FHIT: variants seen among roughly 807,000 people sequenced by gnomAD.
FHIT encodes the protein bis(5'-adenosyl)-triphosphatase.
In FHIT, 19 loss-of-function variants were observed where a neutral mutation model predicts 17.9. That is an observed-to-expected ratio of 1.06 (90% CI 0.74 to 1.56). FHIT has a LOEUF of 1.56. Ranked by LOEUF, FHIT falls within the 40% of genes most tolerant of loss-of-function variation. FHIT has a pLI of 0.00. For synonymous variants in FHIT, 81 were observed against 69.7 expected, an observed-to-expected ratio of 1.16 and a Z score of -0.81; for missense variants, 248 against 189.2, an observed-to-expected ratio of 1.31 and a Z score of -1.82.
At chr3:59,978,603 T>G (rs1475857737) in intron 7 of FHIT, among the ~76,000 whole-genome samples, 1 of 151,380 alleles carries the variant, frequency 6.6e-6, no homozygotes, top group Non-Finnish European at 1.5e-5. Flanking sequence ...AGTATCTAAG[T>G]AGAAGTTTAG....
chr3:60,961,745 G>C (rs1217560710), intron 3 of FHIT, among the ~76,000 whole-genome samples: 1 of 152,164 alleles, frequency 6.6e-6, no homozygotes, highest in African/African-American at 2.4e-5. Context: ...TTGTCGATGT[G>C]TGGTATTATT....
chr3:60,732,076 G>T, intron 4 of FHIT: 2 of 583,158 alleles, frequency 3.4e-6, no homozygotes, highest in Non-Finnish European at 6.2e-6. Flanking sequence ...GAGCAAATGG[G>T]GTGGAGGGGT....
At chr3:60,213,866 T>C (rs1464231703) in intron 5 of FHIT, among the ~76,000 whole-genome samples, 1 of 152,164 alleles carries the variant, frequency 6.6e-6, no homozygotes, top group Admixed American at 6.5e-5. Flanking sequence ...GAAAATGATA[T>C]CCTTAGAAAG....
At chr3:60,527,022 G>A (rs565792476) in intron 5 of FHIT, among the ~76,000 whole-genome samples, 1 of 152,304 alleles carries the variant, frequency 6.6e-6, no homozygotes, top group East Asian at 1.9e-4. Context: ...GAATGGTTCT[G>A]CTGCTGCCTC....
intron 5 of FHIT, among the ~76,000 whole-genome samples, chr3:60,190,464 G>A (rs909731274): frequency 2.0e-5 from 3 of 152,002 alleles, no homozygotes; most frequent in African/African-American, 7.2e-5. Flanking sequence ...AATTCTAAGG[G>A]AGGGCTGGGC....
At chr3:60,854,097 T>C (rs1553749192) in intron 3 of FHIT, among the ~76,000 whole-genome samples, 1 of 152,138 alleles carries the variant, frequency 6.6e-6, no homozygotes, top group Non-Finnish European at 1.5e-5. Context: ...AATGTAAACT[T>C]CTTGGGTTGT....
chr3:60,521,505 C>T (rs1000775584), intron 5 of FHIT, among the ~76,000 whole-genome samples: 1 of 152,124 alleles, frequency 6.6e-6, no homozygotes, highest in African/African-American at 2.4e-5. Flanking sequence ...CCTCGGCCTC[C>T]CAAAGTGCTG....
chr3:60,607,455 A>G (rs1159043333), intron 4 of FHIT, among the ~76,000 whole-genome samples: 1 of 151,488 alleles, frequency 6.6e-6, no homozygotes, highest in Non-Finnish European at 1.5e-5. Context: ...GTCTGCCACT[A>G]ATTAAAAGTA....
intron 5 of FHIT, among the ~76,000 whole-genome samples, chr3:60,216,613 T>C (rs1703710435): frequency 6.6e-6 from 1 of 152,184 alleles, no homozygotes; most frequent in African/African-American, 2.4e-5. Flanking sequence ...TACTCTAAGC[T>C]GACTGCTTAG....
chr3:60,578,409 C>T (rs2037641631), intron 4 of FHIT, among the ~76,000 whole-genome samples: 2 of 149,252 alleles, frequency 1.3e-5, no homozygotes, highest in Non-Finnish European at 3.0e-5. Context: ...TGCACTCTGG[C>T]CTGGGCGAAA....
intron 3 of FHIT, among the ~76,000 whole-genome samples, chr3:60,826,766 A>G (rs1702137941): frequency 1.3e-5 from 2 of 151,172 alleles, no homozygotes; most frequent in South Asian, 4.2e-4. Context: ...CCCTGGAACC[A>G]CCAACACTAC....
chr3:60,350,283 C>G (rs1299837912), intron 5 of FHIT, among the ~76,000 whole-genome samples: 2 of 152,072 alleles, frequency 1.3e-5, no homozygotes, highest in Non-Finnish European at 2.9e-5. Flanking sequence ...TACATGTGTA[C>G]TTGGCTTCTG....
At chr3:60,072,557 G>C (rs1213548011) in intron 5 of FHIT, among the ~76,000 whole-genome samples, 10 of 152,166 alleles carry the variant, frequency 6.6e-5, no homozygotes, top group Non-Finnish European at 1.5e-4. Flanking sequence ...TATTAACTTA[G>C]TCTTTCCAAT....
intron 7 of FHIT, among the ~76,000 whole-genome samples, chr3:59,956,363 T>A (rs113599005): frequency 0.026 from 4,002 of 151,908 alleles, 197 homozygotes; most frequent in African/African-American, 0.092. Flanking sequence ...GCAAGACCTA[T>A]TTGCCAAAAA....
At chr3:59,752,362 T>A in intron 8 of FHIT, 41 bp from the exon 9 acceptor site, 1 of 1,523,868 alleles carries the variant, frequency 6.6e-7, no homozygotes. Context: ...TCATGGGCCC[T>A]TGGGATCTCC....
chr3:60,018,696 G>A (rs142001576), intron 5 of FHIT, among the ~76,000 whole-genome samples: 5 of 152,232 alleles, frequency 3.3e-5, no homozygotes, highest in South Asian at 4.1e-4. Flanking sequence ...AACATTGATC[G>A]GCCGGGCGCA....
chr3:61,068,842 C>T (rs746654605), intron 2 of FHIT, among the ~76,000 whole-genome samples: 1 of 152,134 alleles, frequency 6.6e-6, no homozygotes, highest in East Asian at 1.9e-4. Context: ...TTGACTGCAG[C>T]TTTACCTCTT....
chr3:59,979,959 C>G (rs1708580707), intron 7 of FHIT, among the ~76,000 whole-genome samples: 1 of 152,290 alleles, frequency 6.6e-6, no homozygotes, highest in Middle Eastern at 3.4e-3. Flanking sequence ...GCTGACAACA[C>G]TGTTCGACAG....
At chr3:60,641,974 T>G (rs986100141) in intron 4 of FHIT, among the ~76,000 whole-genome samples, 1 of 150,820 alleles carries the variant, frequency 6.6e-6, no homozygotes, top group Non-Finnish European at 1.5e-5. Flanking sequence ...CCTGGTGAGG[T>G]AAAGGTGGGT....
Sources: gnomAD v4.1 joint callset for allele counts (sites outside exome capture counted in the v4.1 genomes callset) on GRCh38, gnomAD v4.1.1 for gene constraint, MANE v1.5 for transcripts, NCBI Gene and HGNC (gene_info 2026-07-23, HGNC 2026-07-21) for gene names.